ALDH16A1: variants seen among roughly 807,000 people sequenced by gnomAD.
The protein encoded by ALDH16A1 is aldehyde dehydrogenase family 16 member A1.
In ALDH16A1, 88 loss-of-function variants were observed where a neutral mutation model predicts 96.1. The observed-to-expected ratio is 0.92, with a 90% CI of 0.77 to 1.09. The LOEUF is 1.09. Ranked by LOEUF, ALDH16A1 falls within the 50% of genes least tolerant of loss-of-function variation. The probability of loss-of-function intolerance (pLI) is 0.00; values close to 1 mark genes in which losing one functional copy is unlikely to be tolerated. For missense variants in ALDH16A1, 1,250 were observed against 1,112.6 expected (o/e 1.12, Z -1.76); for synonymous variants, 522 against 496.4 (o/e 1.05, Z -0.69).
chr19:49,463,981 C>T lies in ALDH16A1; in HGVS notation c.1194+32C>T, dbSNP rs377194423. The T allele has an allele frequency of 3.1e-6, 5 of 1,589,718 alleles. No individual in the cohort carries two copies. The African/African-American group carries it at 5.4e-5, about 17-fold the overall frequency. On this transcript the variant is annotated intron_variant, in intron 9 of 16. Transcript: ENST00000293350. ...CCCTTAAGGCTGCAGAGCTCCTACC[C>T]ACCGCCAGCCAAGGGCAGCAGCTCT... is the stretch of plus-strand genomic sequence containing the variant.
rs10418496 is a variant in ALDH16A1, at chr19:49,468,135, G to A, written c.1939-246G>A. On this transcript the variant is annotated intron_variant, in intron 14 of 16. Coordinates refer to ENST00000293350, the MANE Select transcript of ALDH16A1 (RefSeq NM_153329.4). The surrounding 1 kb of genome is among the most constrained non-coding windows in gnomAD (Gnocchi z 4.4). Reference sequence around the variant, plus strand: ...AGATCGCACCACTGCACTCTAGCCAGGGCGACAGAGTGAGAGTCCGTCTCA... The same window carrying A: ...AGATCGCACCACTGCACTCTAGCCAAGGCGACAGAGTGAGAGTCCGTCTCA... Among the ~76,000 whole-genome samples the A allele has an allele frequency of 2.9e-3, 442 of 150,040 alleles. 2 individuals are homozygous for A. Among genetic ancestry groups the A allele is most frequent in the African/African-American group, 0.01 (409 of 40,452 alleles).
chr19:49,458,497 C>A lies in ALDH16A1; in HGVS notation c.102C>A (p.Asp34Glu). The change falls in exon 2 of 17, where the codon GAC becomes GAA. Residue 34 changes from aspartate (D) to glutamate (E), a missense_variant. Coordinates refer to ENST00000293350, the MANE Select transcript of ALDH16A1 (RefSeq NM_153329.4). ...TCTACCTCCCCCAGGCCTGGCTGGA[C>A]ACCCAGGACCGGTGCTTGGGCCACT... is the stretch of plus-strand genomic sequence containing the variant. ...ESHACALAWL[D>E]TQDRCLGHYV... The A allele has an allele frequency of 1.3e-6, 2 of 1,562,070 alleles. No homozygotes were observed. Among genetic ancestry groups the A allele is most frequent in the East Asian group, 2.4e-5 (1 of 42,440 alleles).
At position 49,466,147 on chromosome 19, in the gene ALDH16A1, G is replaced by A. The variant is rs191850544; in HGVS notation, c.1802G>A (p.Arg601His). The A allele has an allele frequency of 1.2e-5, 18 of 1,558,568 alleles. No individual in the cohort carries two copies. The highest frequency in any genetic ancestry group is 4.7e-5 in the South Asian group (4 of 84,934). The change falls in exon 14 of 17, where the codon CGC becomes CAC. Residue 601 changes from arginine to histidine, a missense_variant. Coordinates refer to ENST00000293350, the MANE Select transcript of ALDH16A1 (RefSeq NM_153329.4). ...TGGGCCCTGGCGGCTGCACTGGAGC[G>A]CCGGAAGTCTACCCTGGCCTCGAGG... ...LLWALAAALERRKSTLASRLE... is the reference protein window; with the variant it reads ...LLWALAAALEHRKSTLASRLE...
At chr19:49,466,667 T>A (rs1440048750) in intron 14 of ALDH16A1, among the ~76,000 whole-genome samples, 2 of 151,934 alleles carry the variant, frequency 1.3e-5, no homozygotes, top group Non-Finnish European at 2.9e-5. Context: ...GAGACCAGCC[T>A]GGGCAACACG....
Position 49,459,548 on chromosome 19 carries a change from G to C in ALDH16A1, c.321-122G>C, listed in dbSNP as rs143867340. On this transcript the variant is annotated intron_variant, in intron 3 of 16. Transcript: ENST00000293350. This position sits in a 1 kb window ranked among gnomAD's most constrained non-coding sequence, Gnocchi z 4.1. Reference sequence around the variant, plus strand: ...TAAATCTTCACTGCCCTCTGCCCCAGGTAAATGGTGGGGATGCCTCAGGGG... The same window carrying C: ...TAAATCTTCACTGCCCTCTGCCCCACGTAAATGGTGGGGATGCCTCAGGGG... 7.0e-6 allele frequency: 8 copies of C among 1,137,252 alleles called. No homozygotes were observed. The highest frequency in any genetic ancestry group is 9.7e-6 in the Non-Finnish European group (8 of 824,018). The allele number at this position is 1,137,252 out of a possible 1,614,324, so 70.4% of individuals were successfully genotyped here.
chr19:49,464,203 G>A lies in ALDH16A1; in HGVS notation c.1271G>A (p.Arg424His), dbSNP rs769307435. 1.5e-5 allele frequency: 24 copies of A among 1,605,866 alleles called. No homozygotes were observed. The highest frequency in any genetic ancestry group is 1.6e-4 in the Middle Eastern group (1 of 6,076). Residue 424 changes from arginine to histidine, a missense_variant, in exon 10 of 17, where the codon CGC becomes CAC. Physicochemically the swap from Arg to His is conservative, Grantham distance 29. Coordinates refer to ENST00000293350, the MANE Select transcript of ALDH16A1 (RefSeq NM_153329.4). ...CTGTTGGTGGCCAACGGGACGCCCC[G>A]CGGGGGCAGCGCCAGTGTGTGGAGC... ...EALLVANGTP[R>H]GGSASVWSER...
chr19:49,455,631 C>A (rs918963218), intron 1 of ALDH16A1, among the ~76,000 whole-genome samples: 6 of 151,680 alleles, frequency 4.0e-5, no homozygotes. Flanking sequence ...GCAAGTGGCT[C>A]ACACCTGTAA....
chr19:49,454,943 A>AC (rs1288321881), intron 1 of ALDH16A1, among the ~76,000 whole-genome samples: 1 of 150,022 alleles, frequency 6.7e-6, no homozygotes, highest in Non-Finnish European at 1.5e-5. Context: ...ACATGGTGAA[A>AC]CCCCATCTCT....
intron 1 of ALDH16A1, 105 bp downstream of exon 1, chr19:49,453,526 C>T: frequency 9.3e-7 from 1 of 1,080,718 alleles, no homozygotes; most frequent in Non-Finnish European, 1.3e-6. Flanking sequence ...AGCCGCTCCG[C>T]CTCTCTTAGT....
chr19:49,464,256 G>C lies in ALDH16A1; in HGVS notation c.1324G>C (p.Gly442Arg). ...GAGGCTGGGGCAGGCGCTGGAGCTGGGCTATGGGTCAGTCTGCGTGGCCCG... is the reference window on the plus strand; with the variant it reads ...GAGGCTGGGGCAGGCGCTGGAGCTGCGCTATGGGTCAGTCTGCGTGGCCCG... The part of the protein sequence containing the change: ...SERLGQALEL[G>R]YGLQVGTVWI... The change falls in exon 10 of 17, where the codon GGC becomes CGC. Residue 442 changes from glycine (G) to arginine (R), a missense_variant. Physicochemically the swap from Gly to Arg is moderately radical, Grantham distance 125 (BLOSUM62 -2). Coordinates refer to ENST00000293350, the MANE Select transcript of ALDH16A1 (RefSeq NM_153329.4). 6.2e-7 allele frequency: 1 copy of C among 1,602,398 alleles called. No homozygotes were observed. The highest frequency in any genetic ancestry group is 8.5e-7 in the Non-Finnish European group (1 of 1,179,334).
intron 5 of ALDH16A1, 71 bp downstream of exon 5, chr19:49,460,970 G>A (rs2079136664): frequency 4.0e-6 from 6 of 1,498,856 alleles, no homozygotes; most frequent in Admixed American, 1.7e-5. Flanking sequence ...CCAAACTCCA[G>A]AGTCTGAGAG....
In ALDH16A1 at chr19:49,462,008, T is replaced by C; in HGVS notation, c.884T>C (p.Val295Ala). ...GTAGACTCGGCCGTGGAGGGTGTCG[T>C]GGACGCCGCCTGGTCCGACCGCGGC... Reference protein sequence around the residue: ...ADVDSAVEGVVDAAWSDRGPG... With the variant: ...ADVDSAVEGVADAAWSDRGPG... The change falls in exon 7 of 17, where the codon GTG (valine) becomes GCG (alanine). Residue 295 changes from valine to alanine, a missense_variant. By Grantham distance (64) the Val-to-Ala change is moderately conservative. Coordinates refer to ENST00000293350, the MANE Select transcript of ALDH16A1 (RefSeq NM_153329.4). 1 of 1,544,712 alleles carries C rather than the reference T, an allele frequency of 6.5e-7. No individual in the cohort carries two copies. Among genetic ancestry groups the C allele is most frequent in the Non-Finnish European group, 8.7e-7 (1 of 1,148,958 alleles).
intron 16 of ALDH16A1, chr19:49,469,869 C>T: frequency 6.4e-6 from 1 of 157,108 alleles, no homozygotes; most frequent in Non-Finnish European, 1.4e-5. Flanking sequence ...GCGTGAGCCA[C>T]TGTGCCCAAC....
At position 49,461,917 on chromosome 19, in the gene ALDH16A1, G is replaced by C; in HGVS notation, c.793G>C (p.Glu265Gln). The change falls in exon 7 of 17, where the codon GAG becomes CAG. Residue 265 changes from glutamate to glutamine, a missense_variant. By Grantham distance (29) the Glu-to-Gln change is conservative. Transcript: ENST00000293350. Reference sequence around the variant, plus strand: ...TGCCCTTCGACGGAGCCTGGCGGGAGAGTGTGCGGAGCTGGGCCTGGCGCT... The same window carrying C: ...TGCCCTTCGACGGAGCCTGGCGGGACAGTGTGCGGAGCTGGGCCTGGCGCT... ...GRALRRSLAGECAELGLALGT... is the reference protein window; with the variant it reads ...GRALRRSLAGQCAELGLALGT... The C allele has an allele frequency of 6.3e-7, 1 of 1,576,254 alleles. No individual in the cohort carries two copies. The highest frequency in any genetic ancestry group is 8.6e-7 in the Non-Finnish European group (1 of 1,162,082).
intron 8 of ALDH16A1, 61 bp from the exon 9 acceptor site, chr19:49,463,793 C>G (rs1283349832): frequency 2.7e-6 from 4 of 1,505,764 alleles, no homozygotes; most frequent in Non-Finnish European, 3.6e-6. Flanking sequence ...TGGGGTCCTG[C>G]AGTCCTCGGT....
intron 1 of ALDH16A1, among the ~76,000 whole-genome samples, chr19:49,455,030 ATTGCTTG>A (rs1568646528): frequency 6.6e-6 from 1 of 151,622 alleles, no homozygotes; most frequent in African/African-American, 2.4e-5. Context: ...AGGTGGGAGA[ATTGCTTG>A]AATCCAGGAG....
chr19:49,455,661 C>T (rs1048726928), intron 1 of ALDH16A1, among the ~76,000 whole-genome samples: 6 of 151,618 alleles, frequency 4.0e-5, no homozygotes, highest in South Asian at 2.1e-4. Context: ...TTTGGGAGAC[C>T]GAGGCAGGAG....
At position 49,461,915 on chromosome 19, in the gene ALDH16A1, G is replaced by A. The variant is rs142764735; in HGVS notation, c.791G>A (p.Gly264Glu). ...EGRALRRSLA[G>E]ECAELGLALG... ...CGTGCCCTTCGACGGAGCCTGGCGG[G>A]AGAGTGTGCGGAGCTGGGCCTGGCG... is the stretch of plus-strand genomic sequence containing the variant. The change falls in exon 7 of 17, where the codon GGA (glycine) becomes GAA (glutamate). Residue 264 changes from glycine (G) to glutamate (E), a missense_variant. Coordinates refer to ENST00000293350, the MANE Select transcript of ALDH16A1 (RefSeq NM_153329.4). 3.6e-4 allele frequency: 565 copies of A among 1,580,888 alleles called. 1 individual carries two copies. In the African/African-American group the frequency reaches 6.3e-3, roughly 18 times the overall value.
In ALDH16A1 at chr19:49,460,856, C is replaced by G; in HGVS notation, c.534C>G (p.Ser178=). Residue 178 remains serine, a synonymous_variant, in exon 5 of 17, where the codon TCC becomes TCG. Transcript: ENST00000293350. ...GCCTCATCCTGCCACCCACATTCTC[C>G]TTCCTTGAGATGATGTGGAGGATTT... ...VIGLILPPTF[S]FLEMMWRICP... The G allele has an allele frequency of 6.2e-7, 1 of 1,613,798 alleles. No individual in the cohort carries two copies.
Sources: allele counts gnomAD v4.1 joint callset (sites outside exome capture counted in the v4.1 genomes callset), GRCh38; gene constraint gnomAD v4.1.1; non-coding constraint Gnocchi (gnomAD v3.1); transcripts MANE v1.5; gene names NCBI Gene and HGNC (gene_info 2026-07-23, HGNC 2026-07-21).